PHLDB2: variants seen among roughly 807,000 people sequenced by gnomAD.
PHLDB2 encodes the protein pleckstrin homology like domain family B member 2.
PHLDB2 carries 71 observed loss-of-function variants against 123.6 expected under a neutral mutation model. The ratio of observed to expected loss-of-function variants is 0.57; its 90% CI spans 0.47 to 0.70. The LOEUF is 0.70. PHLDB2 is among the 30% of genes least tolerant of loss of function. The pLI, the probability that PHLDB2 is intolerant of heterozygous loss-of-function variation, is 0.00. For missense variants in PHLDB2, 1,446 were observed against 1,519.5 expected (o/e 0.95, Z 0.80); for synonymous variants, 547 against 541.6 (o/e 1.01, Z -0.14).
chr3:111,937,552 G>C (rs2069574741), intron 6 of PHLDB2, among the ~76,000 whole-genome samples: 1 of 152,082 alleles, frequency 6.6e-6, no homozygotes, highest in Non-Finnish European at 1.5e-5. Context: ...TAGAGGCTGA[G>C]GTGAGTGGAT....
Position 111,753,476 on chromosome 3 carries a change from G to A in PHLDB2, c.-49+20773G>A, listed in dbSNP as rs1477941751. Among the ~76,000 whole-genome samples, 1,228 of 148,194 alleles carry A rather than the reference G, an allele frequency of 8.3e-3. 3 individuals carry two copies. Among genetic ancestry groups the A allele is most frequent in the African/African-American group, 0.028 (1,130 of 39,792 alleles). On this transcript the variant is annotated intron_variant, in intron 1 of 17. Transcript: ENST00000393923. ...TGAGAAGTGTCTGTTCATGTCCTTC[G>A]CCCACTTTTTGATGGGGTTGTTTGT...
intron 1 of PHLDB2, among the ~76,000 whole-genome samples, chr3:111,861,330 C>A (rs562956574): frequency 6.6e-6 from 1 of 152,172 alleles, no homozygotes; most frequent in East Asian, 1.9e-4. Flanking sequence ...ATTTTCTTTG[C>A]CTCTTACATT....
At chr3:111,903,990 A>G (rs908742668) in intron 2 of PHLDB2, among the ~76,000 whole-genome samples, 8 of 152,128 alleles carry the variant, frequency 5.3e-5, no homozygotes, top group Non-Finnish European at 1.2e-4. Context: ...CTGCTCTTCA[A>G]GTCCAGCTGG....
intron 1 of PHLDB2, among the ~76,000 whole-genome samples, chr3:111,760,370 G>A (rs1397019281): frequency 6.6e-6 from 1 of 152,064 alleles, no homozygotes; most frequent in African/African-American, 2.4e-5. Flanking sequence ...TCTTTGTTGA[G>A]ATAAAAAAAA....
Position 111,878,667 on chromosome 3 carries a change from A to T in PHLDB2, c.-14-5397A>T, listed in dbSNP as rs183026080. Among the ~76,000 whole-genome samples the T allele has an allele frequency of 5.3e-3, 801 of 152,300 alleles. 8 individuals carry two copies. Among genetic ancestry groups the T allele is most frequent in the African/African-American group, 0.019 (769 of 41,554 alleles). ...GAATGCTTCCGGTTTTTGTCCATTC[A>T]GTATGATATTGGCTGTGGGTTTGTT... On this transcript the variant is annotated intron_variant, in intron 1 of 17. Coordinates refer to ENST00000431670, the MANE Select transcript of PHLDB2 (RefSeq NM_001134438.2).
At position 111,954,398 on chromosome 3, in the gene PHLDB2, C is replaced by T. The variant is rs2070908350; in HGVS notation, c.2872+369C>T. Among the ~76,000 whole-genome samples the T allele has an allele frequency of 2.0e-5, 3 of 152,132 alleles. No individual in the cohort carries two copies. In the South Asian group the frequency reaches 6.2e-4, roughly 32 times the overall value. On this transcript the variant is annotated intron_variant, in intron 12 of 17. Coordinates refer to ENST00000431670, the MANE Select transcript of PHLDB2 (RefSeq NM_001134438.2). ...CTGGGTTGTGTCTGAGCCACTATGT[C>T]GAATGAACCTTGTGCTAAAGAATCA...
At chr3:111,955,906 A>C (rs954008562) in intron 12 of PHLDB2, among the ~76,000 whole-genome samples, 4 of 152,214 alleles carry the variant, frequency 2.6e-5, no homozygotes, top group Non-Finnish European at 5.9e-5. Context: ...ACTCCATGTT[A>C]AAAGCATTTT....
In PHLDB2 at chr3:111,975,687, A is replaced by T. The variant is rs1275679340; in HGVS notation, c.*1124A>T. On this transcript the variant is annotated 3_prime_UTR_variant, in exon 18 of 18. Transcript: ENST00000431670. The stretch of plus-strand genomic sequence containing the variant: ...CTTTTTTTTAGTTAATTTTTGTCAA[A>T]TGAAACGACTTCAGGCAAGTCTCTT... 2 of 152,616 alleles carry T rather than the reference A, an allele frequency of 1.3e-5. No homozygotes were observed. 9.5% of individuals were successfully genotyped at this position (152,616 alleles called of 1,614,324 possible).
chr3:111,768,684 C>T (rs1470235342), intron 1 of PHLDB2, among the ~76,000 whole-genome samples: 1 of 152,150 alleles, frequency 6.6e-6, no homozygotes, highest in East Asian at 1.9e-4. Context: ...TGTTCATGGA[C>T]CCATGCCAAA....
chr3:111,816,433 C>T (rs974813229), intron 1 of PHLDB2, among the ~76,000 whole-genome samples: 14 of 152,170 alleles, frequency 9.2e-5, no homozygotes, highest in African/African-American at 2.4e-4. Context: ...CTTGCATCAG[C>T]GTGACCTGGA....
At chr3:111,946,117 G>A (rs2070292034) in intron 9 of PHLDB2, among the ~76,000 whole-genome samples, 1 of 152,032 alleles carries the variant, frequency 6.6e-6, no homozygotes, top group Non-Finnish European at 1.5e-5. Flanking sequence ...CGCTTCCTGG[G>A]TTCAAGCAAT....
chr3:111,769,185 T>C (rs2060132607), intron 1 of PHLDB2, among the ~76,000 whole-genome samples: 1 of 152,202 alleles, frequency 6.6e-6, no homozygotes, highest in South Asian at 2.1e-4. Flanking sequence ...ACCTCAATAT[T>C]GTATGGGCAA....
intron 1 of PHLDB2, among the ~76,000 whole-genome samples, chr3:111,735,417 T>G (rs1157224341): frequency 1.3e-5 from 2 of 152,186 alleles, no homozygotes; most frequent in Non-Finnish European, 2.9e-5. Flanking sequence ...GTCCTAAAGA[T>G]TCCATTAGCT....
chr3:111,941,405 T>C (rs1015892317), intron 8 of PHLDB2, among the ~76,000 whole-genome samples: 2 of 152,206 alleles, frequency 1.3e-5, no homozygotes, highest in African/African-American at 4.8e-5. Flanking sequence ...GAGAATGGCA[T>C]GCAGAGAAAG....
intron 2 of PHLDB2, among the ~76,000 whole-genome samples, chr3:111,899,137 A>G (rs2067044872): frequency 6.6e-6 from 1 of 152,210 alleles, no homozygotes; most frequent in Non-Finnish European, 1.5e-5. Flanking sequence ...TGAAAGCCAA[A>G]ATTACCCCAT....
intron 2 of PHLDB2, among the ~76,000 whole-genome samples, chr3:111,893,100 C>CT: frequency 6.6e-6 from 1 of 152,006 alleles, no homozygotes; most frequent in African/African-American, 2.4e-5. Flanking sequence ...GACCACCCCC[C>CT]CAAAATAAGT....
At chr3:111,868,010 A>T (rs545499339) in intron 1 of PHLDB2, among the ~76,000 whole-genome samples, 2 of 149,288 alleles carry the variant, frequency 1.3e-5, no homozygotes, top group African/African-American at 2.5e-5. Context: ...TCATACTTTT[A>T]AAAAAAAATG....
rs2060124227 is a variant in PHLDB2 at position 111,768,695 on chromosome 3, C to A, written c.-49+35992C>A. ...GCAATGTTCATGGACCCATGCCAAACAAAGGTCCATACGACTGCCTGGGAT... is the reference window on the plus strand; with the variant it reads ...GCAATGTTCATGGACCCATGCCAAAAAAAGGTCCATACGACTGCCTGGGAT... On this transcript the variant is annotated intron_variant, in intron 1 of 17. Transcript: ENST00000393923. Among the ~76,000 whole-genome samples, 3 of 152,182 alleles carry A rather than the reference C, an allele frequency of 2.0e-5. No individual in the cohort carries two copies. In the South Asian group the frequency reaches 6.2e-4, roughly 32 times the overall value.
At chr3:111,757,193 C>T (rs929941839) in intron 1 of PHLDB2, among the ~76,000 whole-genome samples, 3 of 152,178 alleles carry the variant, frequency 2.0e-5, no homozygotes, top group Non-Finnish European at 4.4e-5. Flanking sequence ...TGAATGTTGG[C>T]CTGCCTTGCT....
Sources: gnomAD v4.1 joint callset for allele counts (sites outside exome capture counted in the v4.1 genomes callset) on GRCh38, gnomAD v4.1.1 for gene constraint, MANE v1.5 for transcripts, NCBI Gene and HGNC (gene_info 2026-07-23, HGNC 2026-07-21) for gene names.